The following EML4 variants were observed in gnomAD, a reference collection of about 807,000 sequenced individuals.
The protein encoded by EML4 is EMAP like 4, also known as echinoderm microtubule-associated protein-like 4.
In EML4, 72 loss-of-function variants were observed where a neutral mutation model predicts 129.0. The observed-to-expected ratio is 0.56, with a 90% CI of 0.46 to 0.68. The LOEUF is 0.68. EML4 is among the 30% of genes least tolerant of loss of function. EML4 has a pLI of 0.00. For missense variants in EML4, 1,363 were observed against 1,190.6 expected, an observed-to-expected ratio of 1.14 and a Z score of -2.13; for synonymous variants, 532 against 405.0, an observed-to-expected ratio of 1.31 and a Z score of -3.77.
chr2:42,328,908 T>C lies in EML4; in HGVS notation c.2364T>C (p.Asp788=), dbSNP rs1252638315. 1 of 1,612,234 alleles carries C rather than the reference T, an allele frequency of 6.2e-7. No individual in the cohort carries two copies. Among genetic ancestry groups the C allele is most frequent in the South Asian group, 1.1e-5 (1 of 90,876 alleles). ...QVFGVWPEGS[D]GTDINALVRS... ...AAGGTGTCTGGCCAGAAGGATCTGA[T>C]GGGACAGATATCAATGCACTGGTGC... The change falls in exon 22 of 23, where the codon GAT becomes GAC. Residue 788 remains aspartate, a synonymous_variant. Coordinates refer to ENST00000318522, the MANE Select transcript of EML4 (RefSeq NM_019063.5).
chr2:42,259,236 G>A (rs1347350209), intron 3 of EML4, among the ~76,000 whole-genome samples: 1 of 148,804 alleles, frequency 6.7e-6, no homozygotes, highest in Non-Finnish European at 1.5e-5. Context: ...GACAGAGCAA[G>A]ACTTCATCTG....
At chr2:42,313,435 C>G (rs1214301996) in intron 17 of EML4, among the ~76,000 whole-genome samples, 2 of 152,058 alleles carry the variant, frequency 1.3e-5, no homozygotes, top group Non-Finnish European at 2.9e-5. Context: ...CAGAGTTTGA[C>G]TCTTTGTAGA....
chr2:42,181,208 C>G (rs1011050725), intron 1 of EML4, among the ~76,000 whole-genome samples: 2 of 152,150 alleles, frequency 1.3e-5, no homozygotes, highest in African/African-American at 4.8e-5. Flanking sequence ...GTAAAATGTG[C>G]TTTGAAACTA....
intron 1 of EML4, among the ~76,000 whole-genome samples, chr2:42,183,370 A>G (rs1671059461): frequency 6.6e-6 from 1 of 152,194 alleles, no homozygotes; most frequent in Non-Finnish European, 1.5e-5. Flanking sequence ...TGTGTAAACA[A>G]TTGATGTGTA....
chr2:42,329,959 C>A lies in EML4; in HGVS notation c.2698C>A (p.Pro900Thr). 6.2e-7 allele frequency: 1 copy of A among 1,614,008 alleles called. No individual in the cohort carries two copies. Among genetic ancestry groups the A allele is most frequent in the Non-Finnish European group, 8.5e-7 (1 of 1,180,014 alleles). Residue 900 changes from proline (P) to threonine (T), a missense_variant, in exon 23 of 23, where the codon CCG becomes ACG. Pro to Thr is a conservative substitution (Grantham distance 38). Transcript: ENST00000318522. ...TGTCATCCAATCTAATACTCCCACA[C>A]CGCCTCCTTCTCAGCCCTTAAATGA... ...ESVIQSNTPT[P>T]PPSQPLNETA...
At chr2:42,215,137 G>T (rs564203336) in intron 1 of EML4, among the ~76,000 whole-genome samples, 1 of 152,240 alleles carries the variant, frequency 6.6e-6, no homozygotes, top group Middle Eastern at 3.4e-3. Context: ...ATGGCTCACC[G>T]CAGCTTCAAC....
At chr2:42,182,315 C>T (rs1219974755) in intron 1 of EML4, among the ~76,000 whole-genome samples, 4 of 145,212 alleles carry the variant, frequency 2.8e-5, no homozygotes, top group Non-Finnish European at 4.5e-5. Flanking sequence ...CCCCTCCCCC[C>T]TCCACTGGTT....
At chr2:42,218,633 A>G (rs775305494) in intron 1 of EML4, among the ~76,000 whole-genome samples, 83 of 152,102 alleles carry the variant, frequency 5.5e-4, no homozygotes, top group Non-Finnish European at 1.0e-3. Flanking sequence ...GGAGAATTAA[A>G]TTTGCCCTAT....
chr2:42,260,087 A>G (rs1462574224), intron 3 of EML4, among the ~76,000 whole-genome samples: 8 of 146,538 alleles, frequency 5.5e-5, no homozygotes, highest in African/African-American at 2.0e-4. Flanking sequence ...CTGGTCTTGA[A>G]CTCCTGGGCT....
chr2:42,257,045 CTT>C (rs1426131078), intron 3 of EML4, among the ~76,000 whole-genome samples: 4 of 152,162 alleles, frequency 2.6e-5, no homozygotes, highest in African/African-American at 9.6e-5. Context: ...GCTATTATAA[CTT>C]TTATTTTTTA....
At chr2:42,264,004 C>T (rs1444522256) in intron 5 of EML4, among the ~76,000 whole-genome samples, 3 of 151,912 alleles carry the variant, frequency 2.0e-5, no homozygotes, top group Non-Finnish European at 4.4e-5. Context: ...GCTGGGATTA[C>T]AGGCGTGAGC....
intron 13 of EML4, among the ~76,000 whole-genome samples, 154 bp downstream of exon 13, chr2:42,295,670 T>C (rs1009753311): frequency 6.6e-6 from 1 of 152,248 alleles, no homozygotes; most frequent in Admixed American, 6.5e-5. Flanking sequence ...ATAATCTTTT[T>C]TTAATGAAAT....
chr2:42,203,725 A>C (rs944982996), intron 1 of EML4, among the ~76,000 whole-genome samples: 4 of 151,780 alleles, frequency 2.6e-5, no homozygotes, highest in Non-Finnish European at 5.9e-5. Context: ...GAAAAAAAAA[A>C]CAGAGAGGAT....
rs531578363 is a variant in EML4, at chr2:42,264,766, C to T, written c.667+35C>T. On this transcript the variant is annotated intron_variant, in intron 6 of 22. Coordinates refer to ENST00000318522, the MANE Select transcript of EML4 (RefSeq NM_019063.5). ...AAATCCTTTTAAAAATTTTATTTTG[C>T]CCTTCTTAGTTTAATTTTTGCTAAT... 8.9e-6 allele frequency: 13 copies of T among 1,457,790 alleles called. No individual in the cohort carries two copies. In the East Asian group the frequency reaches 2.3e-4, roughly 26 times the overall value. 90.3% of individuals were successfully genotyped at this position (1,457,790 alleles called of 1,614,324 possible).
intron 9 of EML4, among the ~76,000 whole-genome samples, chr2:42,285,245 C>A (rs1667226214): frequency 1.3e-5 from 2 of 152,232 alleles, no homozygotes; most frequent in South Asian, 4.1e-4. Flanking sequence ...AGAACTGATA[C>A]AACTTAAAGA....
At chr2:42,219,837 A>C in intron 1 of EML4, among the ~76,000 whole-genome samples, 1 of 151,748 alleles carries the variant, frequency 6.6e-6, no homozygotes, top group Non-Finnish European at 1.5e-5. Flanking sequence ...GAGGCAGGAG[A>C]ATCACTTGAA....
At chr2:42,279,979 T>C (rs1169674957) in intron 6 of EML4, among the ~76,000 whole-genome samples, 1 of 152,168 alleles carries the variant, frequency 6.6e-6, no homozygotes, top group East Asian at 1.9e-4. Context: ...TATTTAACTA[T>C]TGAGTTCCTT....
Position 42,263,266 on chromosome 2 carries a change from A to T in EML4, c.601A>T (p.Thr201Ser). ...TAATAAATTGTCGAAAATACCTTCAACACCCAAATTAATACCAAAAGTTAC... is the reference window on the plus strand; with the variant it reads ...TAATAAATTGTCGAAAATACCTTCATCACCCAAATTAATACCAAAAGTTAC... ...SRNKLSKIPS[T>S]PKLIPKVTKT... The change falls in exon 5 of 23, where the codon ACA becomes TCA. Residue 201 changes from threonine to serine, a missense_variant. Transcript: ENST00000318522. The T allele has an allele frequency of 6.2e-7, 1 of 1,613,304 alleles. No homozygotes were observed. Among genetic ancestry groups the T allele is most frequent in the Non-Finnish European group, 8.5e-7 (1 of 1,179,778 alleles).
At chr2:42,201,145 G>T (rs1446043888) in intron 1 of EML4, among the ~76,000 whole-genome samples, 1 of 152,098 alleles carries the variant, frequency 6.6e-6, no homozygotes, top group African/African-American at 2.4e-5. Context: ...GTTTTTGTTG[G>T]CTACATGCTA....
Sources: allele counts gnomAD v4.1 joint callset (sites outside exome capture counted in the v4.1 genomes callset), GRCh38; gene constraint gnomAD v4.1.1; transcripts MANE v1.5; gene names NCBI Gene and HGNC (gene_info 2026-07-23, HGNC 2026-07-21).